Variants in LTK observed in about 807,000 individuals in gnomAD.
The protein encoded by LTK is leukocyte tyrosine kinase receptor.
LTK carries 117 observed loss-of-function variants against 101.5 expected under a neutral mutation model. That is an observed-to-expected ratio of 1.15 (90% CI 0.99 to 1.34). The LOEUF (loss-of-function observed/expected upper bound fraction) is 1.34, where lower values mean the gene tolerates loss of function less well. Ranked by LOEUF, LTK falls within the 40% of genes most tolerant of loss-of-function variation. LTK has a pLI of 0.00. For synonymous variants in LTK, 563 were observed against 494.2 expected, an observed-to-expected ratio of 1.14 and a Z score of -1.85; for missense variants, 1,252 against 1,164.7, an observed-to-expected ratio of 1.07 and a Z score of -1.09.
At chr15:41,512,337 AGAG>A (rs1319399764) in intron 3 of LTK, 72 bp from the exon 4 acceptor site, 2 of 1,467,276 alleles carry the variant, frequency 1.4e-6, no homozygotes, top group African/African-American at 1.4e-5. Context: ...AGTTGGCGAC[AGAG>A]GAGGCTCCAG....
intron 16 of LTK, 43 bp from the exon 17 acceptor site, chr15:41,504,917 G>C (rs1294198065): frequency 6.2e-7 from 1 of 1,600,092 alleles, no homozygotes; most frequent in Non-Finnish European, 8.5e-7. Flanking sequence ...TCACCACCAA[G>C]GTGCGGGGAA....
chr15:41,504,318 T>C (rs768225666), intron 19 of LTK, 24 bp downstream of exon 19: 1 of 1,613,562 alleles, frequency 6.2e-7, no homozygotes, highest in Non-Finnish European at 8.5e-7. Context: ...AAGACCAGGA[T>C]GTTAGATTAG....
At chr15:41,508,564 A>AAAATAAAT (rs141710966) in intron 8 of LTK, among the ~76,000 whole-genome samples, 2,841 of 145,632 alleles carry the variant, frequency 0.02, 94 homozygotes, top group African/African-American at 0.067. Context: ...CTCAAAAATA[A>AAAATAAAT]AAATAAATAA....
chr15:41,509,790 C>G (rs77044732), intron 7 of LTK, among the ~76,000 whole-genome samples: 1 of 151,526 alleles, frequency 6.6e-6, no homozygotes, highest in Admixed American at 6.6e-5. Flanking sequence ...ACCCGGGAGG[C>G]GGAGGTTGCA....
In LTK at chr15:41,513,677, G is replaced by A. The variant is rs777405987; in HGVS notation, c.33C>T (p.Phe11=). 6.2e-7 allele frequency: 1 copy of A among 1,613,344 alleles called. No individual in the cohort carries two copies. Among genetic ancestry groups the A allele is most frequent in the East Asian group, 2.2e-5 (1 of 44,834 alleles). MGCWGQLLVW[F]GAAGAILCSS... ...CCAGATAGCACTTACCCGCGGCTCCGAACCACACCAGCAGCTGTCCCCAGC... is the reference window on the plus strand; with the variant it reads ...CCAGATAGCACTTACCCGCGGCTCCAAACCACACCAGCAGCTGTCCCCAGC... The change falls in exon 1 of 20, where the codon TTC becomes TTT. Residue 11 remains phenylalanine, a synonymous_variant. Coordinates refer to ENST00000263800, the MANE Select transcript of LTK (RefSeq NM_002344.6).
Position 41,512,848 on chromosome 15 carries a change from C to T in LTK, c.218G>A (p.Cys73Tyr). ...GTEGSWLFSTCGASGRHGPTQ... is the reference protein window; with the variant it reads ...GTEGSWLFSTYGASGRHGPTQ... ...GGGCCCATGCCGGCCGCTGGCCCCG[C>T]AGGTAGAAAACAGCCAAGACCCCTC... Residue 73 changes from cysteine (C) to tyrosine (Y), a missense_variant, in exon 3 of 20, where the codon TGC becomes TAC. Physicochemically the swap from Cys to Tyr is radical, Grantham distance 194 (BLOSUM62 -2). Coordinates refer to ENST00000263800, the MANE Select transcript of LTK (RefSeq NM_002344.6). The T allele has an allele frequency of 6.2e-7, 1 of 1,612,172 alleles. No individual in the cohort carries two copies. The highest frequency in any genetic ancestry group is 8.5e-7 in the Non-Finnish European group (1 of 1,179,456).
Position 41,511,733 on chromosome 15 carries a change from A to T in LTK, c.657+84T>A. ...CCCAGCGCAGGGATAGGGGGACCCCAAGGGACGGACGGAGAGCCGGTGCGT... is the reference window on the plus strand; with the variant it reads ...CCCAGCGCAGGGATAGGGGGACCCCTAGGGACGGACGGAGAGCCGGTGCGT... On this transcript the variant is annotated intron_variant, in intron 5 of 19. Coordinates refer to ENST00000263800, the MANE Select transcript of LTK (RefSeq NM_002344.6). The surrounding 1 kb of genome is among the most constrained non-coding windows in gnomAD (Gnocchi z 5.9). The T allele has an allele frequency of 6.9e-7, 1 of 1,441,246 alleles. No homozygotes were observed. The allele number at this position is 1,441,246 out of a possible 1,614,324, so 89.3% of individuals were successfully genotyped here.
At chr15:41,505,181 G>C (rs1377473515) in intron 15 of LTK, 27 bp downstream of exon 15, 2 of 1,605,398 alleles carry the variant, frequency 1.2e-6, no homozygotes, top group Admixed American at 1.7e-5. Context: ...TGGGATGGGG[G>C]TCCCCTGAGC....
At chr15:41,508,847 G>A (rs1328577297) in intron 8 of LTK, among the ~76,000 whole-genome samples, 184 bp downstream of exon 8, 1 of 152,054 alleles carries the variant, frequency 6.6e-6, no homozygotes, top group African/African-American at 2.4e-5. Flanking sequence ...TGCTCTTGTC[G>A]CCCAGGCTGG....
chr15:41,508,891 A>G, intron 8 of LTK, 140 bp downstream of exon 8: 1 of 528,918 alleles, frequency 1.9e-6, no homozygotes, highest in Non-Finnish European at 3.3e-6. Flanking sequence ...CACTTTTCAA[A>G]TGACCCTATG....
chr15:41,512,799 C>T lies in LTK; in HGVS notation c.267G>A (p.Ala89=), dbSNP rs1333720080. The T allele has an allele frequency of 1.9e-6, 3 of 1,612,524 alleles. No homozygotes were observed. Among genetic ancestry groups the T allele is most frequent in the Non-Finnish European group, 2.5e-6 (3 of 1,179,806 alleles). ...HGPTQTQCDG[A]YAGTSVVVTV... ...TCACCACCACGCTGGTCCCCGCGTA[C>T]GCCCCGTCACATTGTGTCTGTGTGG... Residue 89 remains alanine (A), a synonymous_variant, in exon 3 of 20, where the codon GCG becomes GCA. Coordinates refer to ENST00000263800, the MANE Select transcript of LTK (RefSeq NM_002344.6).
At chr15:41,513,276 G>A (rs1320986165) in intron 1 of LTK, among the ~76,000 whole-genome samples, 156 bp from the exon 2 acceptor site, 1 of 151,618 alleles carries the variant, frequency 6.6e-6, no homozygotes, top group African/African-American at 2.4e-5. Context: ...ACCCGACTCC[G>A]GTCGCAGAAG....
chr15:41,513,451 G>T (rs1443126940), intron 1 of LTK, among the ~76,000 whole-genome samples: 1 of 152,246 alleles, frequency 6.6e-6, no homozygotes, highest in East Asian at 1.9e-4. Context: ...CCCAAAGAAT[G>T]TTCCTCCTTC....
chr15:41,506,093 C>T (rs1216669368), intron 11 of LTK, 88 bp from the exon 12 acceptor site: 4 of 801,504 alleles, frequency 5.0e-6, no homozygotes, highest in Non-Finnish European at 8.5e-6. Flanking sequence ...TCCCCTGCCC[C>T]TGCCATATGC....
In LTK at chr15:41,504,572, TG is replaced by T. The variant is rs773094196; in HGVS notation, c.2188del (p.Gln730ArgfsTer27). 4 of 1,613,760 alleles carry T rather than the reference TG, an allele frequency of 2.5e-6. No individual in the cohort carries two copies. In the Admixed American group the frequency reaches 6.7e-5, roughly 27 times the overall value. On this transcript the variant is annotated frameshift_variant, in exon 18 of 20. Coordinates refer to ENST00000263800, the MANE Select transcript of LTK (RefSeq NM_002344.6). LOFTEE classifies it high-confidence loss of function. Reference protein sequence around the residue: ...GYMPYPGRTNQEVLDFVVGGG... With the variant: ...GYMPYPGRTNXEVLDFVVGGG... ...TCCAACGACGAAGTCCAGCACCTCC[TG>T]GTTGGTGCGCCCAGGATAGGGCATG...
Position 41,512,751 on chromosome 15 carries a change from C to A in LTK, c.315G>T (p.Leu105=), listed in dbSNP as rs767961282. The A allele has an allele frequency of 1.2e-6, 2 of 1,608,988 alleles. No individual in the cohort carries two copies. Among genetic ancestry groups the A allele is most frequent in the East Asian group, 4.5e-5 (2 of 44,834 alleles). ...GCACGCGCCACAGCTGCACGCCTCT[C>A]AGCTGCCCGGCGGCCCCCACGGTCA... ...VVVTVGAAGQ[L]RGVQLWRVPG... Residue 105 remains leucine, a synonymous_variant, in exon 3 of 20, where the codon CTG becomes CTT. Transcript: ENST00000263800.
intron 7 of LTK, among the ~76,000 whole-genome samples, chr15:41,509,411 A>T (rs1475084364): frequency 6.6e-6 from 1 of 152,156 alleles, no homozygotes; most frequent in Admixed American, 6.6e-5. Context: ...GTGTGTATGT[A>T]TGAGCAGTAC....
Position 41,504,657 on chromosome 15 carries a change from G to T in LTK, c.2121-17C>A. On this transcript the variant is annotated splice_polypyrimidine_tract_variant and intron_variant, in intron 17 of 19. Coordinates refer to ENST00000263800, the MANE Select transcript of LTK (RefSeq NM_002344.6). ...CCAAAAGACCTGCATCACAAGTGGGGGAACCAAGTGAGGCCCGTCAGGTGT... is the reference window on the plus strand; with the variant it reads ...CCAAAAGACCTGCATCACAAGTGGGTGAACCAAGTGAGGCCCGTCAGGTGT... The T allele has an allele frequency of 6.2e-7, 1 of 1,611,276 alleles. No individual in the cohort carries two copies. Among genetic ancestry groups the T allele is most frequent in the Non-Finnish European group, 8.5e-7 (1 of 1,178,828 alleles).
chr15:41,504,882 A>G lies in LTK; in HGVS notation c.2019-8T>C. 1 of 1,610,022 alleles carries G rather than the reference A, an allele frequency of 6.2e-7. No homozygotes were observed. The highest frequency in any genetic ancestry group is 8.5e-7 in the Non-Finnish European group (1 of 1,178,040). On this transcript the variant is annotated splice_region_variant and splice_polypyrimidine_tract_variant and intron_variant, in intron 16 of 19. Transcript: ENST00000263800. ...CTGCGGTAATAACTGGCCCTACAGG[A>G]GGGAGGAGGTGAATGATGAGTTGTT...
Sources: allele counts gnomAD v4.1 joint callset (sites outside exome capture counted in the v4.1 genomes callset), GRCh38; gene constraint gnomAD v4.1.1; non-coding constraint Gnocchi (gnomAD v3.1); transcripts MANE v1.5; gene names NCBI Gene and HGNC (gene_info 2026-07-23, HGNC 2026-07-21).